TBC1D10A: variants seen among roughly 807,000 people sequenced by gnomAD.
The protein encoded by TBC1D10A is TBC1 domain family member 10A.
In TBC1D10A, 24 loss-of-function variants were observed where a neutral mutation model predicts 52.9. That is an observed-to-expected ratio of 0.45 (90% CI 0.33 to 0.64). The LOEUF (loss-of-function observed/expected upper bound fraction) is 0.64, where lower values mean the gene tolerates loss of function less well. Ranked by LOEUF, TBC1D10A falls within the 30% of genes least tolerant of loss-of-function variation. The pLI, the probability that TBC1D10A is intolerant of heterozygous loss-of-function variation, is 0.02. For synonymous variants in TBC1D10A, 278 were observed against 282.9 expected, an observed-to-expected ratio of 0.98 and a Z score of 0.17; for missense variants, 602 against 687.9, an observed-to-expected ratio of 0.88 and a Z score of 1.40.
intron 1 of TBC1D10A, among the ~76,000 whole-genome samples, chr22:30,305,867 G>A (rs1002649814): frequency 6.6e-6 from 1 of 152,222 alleles, no homozygotes; most frequent in Non-Finnish European, 1.5e-5. Flanking sequence ...CCAGGCAAAG[G>A]AGGCCCCCTC....
chr22:30,319,396 AG>A (rs1392821682), intron 1 of TBC1D10A, among the ~76,000 whole-genome samples: 2 of 152,236 alleles, frequency 1.3e-5, no homozygotes, highest in African/African-American at 4.8e-5. Flanking sequence ...TCCAAATCAC[AG>A]GGTCTGACAG....
intron 1 of TBC1D10A, 116 bp from the exon 2 acceptor site, chr22:30,304,746 T>C (rs1337813807): frequency 1.1e-5 from 17 of 1,487,066 alleles, no homozygotes; most frequent in Non-Finnish European, 1.5e-5. Context: ...ATCCCTGCTG[T>C]TCCCTTCAGG....
intron 1 of TBC1D10A, among the ~76,000 whole-genome samples, chr22:30,311,737 G>A (rs896453603): frequency 5.9e-5 from 9 of 152,092 alleles, no homozygotes; most frequent in African/African-American, 2.2e-4. Context: ...TTCCTCTGAT[G>A]CACTCATCTA....
At chr22:30,295,374 CCCCTTGG>C (rs1310693752) in intron 4 of TBC1D10A, among the ~76,000 whole-genome samples, 9 of 152,192 alleles carry the variant, frequency 5.9e-5, no homozygotes, top group African/African-American at 2.2e-4. Flanking sequence ...GCAGCTATGG[CCCCTTGG>C]CCGGGCCAGC....
chr22:30,305,059 C>A (rs1930283789), intron 1 of TBC1D10A, among the ~76,000 whole-genome samples: 2 of 152,244 alleles, frequency 1.3e-5, no homozygotes, highest in South Asian at 2.1e-4. Context: ...ATGCTCACCT[C>A]TTTACTTGAG....
At chr22:30,314,415 C>T (rs149850912) in intron 1 of TBC1D10A, among the ~76,000 whole-genome samples, 30 of 152,332 alleles carry the variant, frequency 2.0e-4, no homozygotes, top group Non-Finnish European at 3.5e-4. Flanking sequence ...TAGGTGAAAG[C>T]CTCGTCCACC....
At chr22:30,321,045 C>T (rs1408988275) in intron 1 of TBC1D10A, among the ~76,000 whole-genome samples, 1 of 152,216 alleles carries the variant, frequency 6.6e-6, no homozygotes, top group Non-Finnish European at 1.5e-5. Flanking sequence ...TAGGACAAAA[C>T]ATCAAGTAGG....
At chr22:30,310,912 G>T (rs1300262172) in intron 1 of TBC1D10A, among the ~76,000 whole-genome samples, 1 of 152,180 alleles carries the variant, frequency 6.6e-6, no homozygotes, top group Non-Finnish European at 1.5e-5. Context: ...AAAGGCAGGG[G>T]TGAATAACGT....
At chr22:30,309,398 G>T (rs1277172608) in intron 1 of TBC1D10A, among the ~76,000 whole-genome samples, 1 of 152,132 alleles carries the variant, frequency 6.6e-6, no homozygotes, top group Non-Finnish European at 1.5e-5. Context: ...GCTAATTTTT[G>T]TATTTTTAGT....
intron 1 of TBC1D10A, among the ~76,000 whole-genome samples, chr22:30,313,444 C>T (rs141990975): frequency 0.028 from 4,210 of 150,602 alleles, 201 homozygotes; most frequent in African/African-American, 0.098. Flanking sequence ...AGTGCAGTGG[C>T]GCAATCTCGA....
chr22:30,316,172 G>C lies in TBC1D10A; in HGVS notation c.209+10501C>G, dbSNP rs577890488. On this transcript the variant is annotated intron_variant, in intron 1 of 8. Transcript: ENST00000215790. ...TTTGATTACATTCCCAAAGTCCTGAGGGACACCGATCCTGCACACAAAGAG... is the reference window on the plus strand; with the variant it reads ...TTTGATTACATTCCCAAAGTCCTGACGGACACCGATCCTGCACACAAAGAG... 3.8e-4 allele frequency among the ~76,000 whole-genome samples: 58 copies of C among 152,288 alleles called. No homozygotes were observed. In the South Asian group the frequency reaches 0.012, roughly 32 times the overall value.
chr22:30,293,405 G>T (rs376394133), intron 8 of TBC1D10A: 12 of 718,672 alleles, frequency 1.7e-5, no homozygotes, highest in Non-Finnish European at 2.8e-5. Context: ...AGACGGGGCC[G>T]TGGGTCAACA....
intron 2 of TBC1D10A, among the ~76,000 whole-genome samples, chr22:30,303,310 C>CAGAT (rs796475166): frequency 7.0e-5 from 6 of 86,096 alleles, no homozygotes; most frequent in African/African-American, 2.2e-4. Flanking sequence ...GATAGATAGA[C>CAGAT]AGACAGACAG....
chr22:30,311,248 A>C (rs1930419413), intron 1 of TBC1D10A, among the ~76,000 whole-genome samples: 1 of 152,150 alleles, frequency 6.6e-6, no homozygotes, highest in Non-Finnish European at 1.5e-5. Flanking sequence ...GTGGTGTGCA[A>C]ATGGCTGTCA....
At chr22:30,313,550 ATTTTTTT>A in intron 1 of TBC1D10A, among the ~76,000 whole-genome samples, 1 of 42,210 alleles carries the variant, frequency 2.4e-5, no homozygotes, top group East Asian at 9.9e-4. Flanking sequence ...CGGCCAGCTA[ATTTTTTT>A]TTTTTTTTTT....
At position 30,294,820 on chromosome 22, in the gene TBC1D10A, C is replaced by G; in HGVS notation, c.681G>C (p.Leu227=). ...WCLVQICEKY[L]PGYYSEKLEA... is the part of the protein sequence containing the mutation. The stretch of plus-strand genomic sequence containing the variant: ...CCAGTTTCTCGCTGTAGTAGCCGGG[C>G]AGGTACTTCTCACAGATCTGTACCA... The change falls in exon 6 of 9, where the codon CTG becomes CTC. Residue 227 remains leucine (L), a synonymous_variant. Transcript: ENST00000215790. The G allele has an allele frequency of 6.2e-7, 1 of 1,614,170 alleles. No individual in the cohort carries two copies. The highest frequency in any genetic ancestry group is 8.5e-7 in the Non-Finnish European group (1 of 1,180,030).
intron 3 of TBC1D10A, chr22:30,296,886 C>T (rs528433813): frequency 6.6e-6 from 1 of 152,356 alleles, no homozygotes; most frequent in East Asian, 1.9e-4. Flanking sequence ...CCAGAGGAAC[C>T]AGAATGTGCT....
chr22:30,313,423 G>A (rs1930468694), intron 1 of TBC1D10A, among the ~76,000 whole-genome samples: 1 of 149,768 alleles, frequency 6.7e-6, no homozygotes, highest in African/African-American at 2.5e-5. Flanking sequence ...TTGCTCTGTC[G>A]CCCAGGCTGG....
intron 1 of TBC1D10A, among the ~76,000 whole-genome samples, chr22:30,314,437 T>G (rs1317499746): frequency 6.6e-6 from 1 of 152,200 alleles, no homozygotes; most frequent in Non-Finnish European, 1.5e-5. Context: ...TACAGGCTCC[T>G]CTGTGAAATG....
Sources: allele counts gnomAD v4.1 joint callset (sites outside exome capture counted in the v4.1 genomes callset), GRCh38; gene constraint gnomAD v4.1.1; transcripts MANE v1.5; gene names NCBI Gene and HGNC (gene_info 2026-07-23, HGNC 2026-07-21).